Variants in TENM4 observed in about 807,000 individuals in gnomAD.
TENM4 encodes the protein teneurin-4.
TENM4 carries 82 observed loss-of-function variants against 243.3 expected under a neutral mutation model. That is an observed-to-expected ratio of 0.34 (90% CI 0.28 to 0.40). TENM4 has a LOEUF of 0.40. Ranked by LOEUF, TENM4 falls within the 10% of genes least tolerant of loss-of-function variation. The pLI, the probability that TENM4 is intolerant of heterozygous loss-of-function variation, is 1.00. For missense variants in TENM4, 3,138 were observed against 3,673.3 expected, an observed-to-expected ratio of 0.85 and a Z score of 3.77; for synonymous variants, 1,412 against 1,456.3, an observed-to-expected ratio of 0.97 and a Z score of 0.69.
At chr11:79,099,272 G>C (rs983505980) in intron 4 of TENM4, among the ~76,000 whole-genome samples, 1 of 152,062 alleles carries the variant, frequency 6.6e-6, no homozygotes, top group African/African-American at 2.4e-5. Context: ...TCTAGCCCCA[G>C]TGCCTTTGCT....
chr11:79,307,760 A>C (rs568082), intron 1 of TENM4, among the ~76,000 whole-genome samples: 84,882 of 152,060 alleles, frequency 0.56, 24,979 homozygotes, highest in East Asian at 0.77. Context: ...TCTGCAAAAG[A>C]ACAAGAATTG....
chr11:79,219,128 C>A (rs894321898), intron 2 of TENM4, among the ~76,000 whole-genome samples: 2 of 152,204 alleles, frequency 1.3e-5, no homozygotes, highest in Admixed American at 1.3e-4. Flanking sequence ...TGCCTTGCAG[C>A]AGACTTTGTA....
intron 17 of TENM4, 116 bp downstream of exon 17, chr11:78,778,486 C>A: frequency 8.6e-7 from 1 of 1,168,500 alleles, no homozygotes; most frequent in Non-Finnish European, 1.2e-6. Flanking sequence ...GCATTAGCTT[C>A]CAGACATCAT....
chr11:79,090,414 C>A (rs947095117), intron 4 of TENM4, among the ~76,000 whole-genome samples: 2 of 152,226 alleles, frequency 1.3e-5, no homozygotes, highest in African/African-American at 4.8e-5. Context: ...CATGCAGACA[C>A]CCGTGCAGAA....
intron 29 of TENM4, among the ~76,000 whole-genome samples, chr11:78,677,742 T>G (rs1858517484): frequency 1.3e-5 from 2 of 152,122 alleles, no homozygotes; most frequent in East Asian, 1.9e-4. Flanking sequence ...TTTGAAATTT[T>G]AAATTTGATT....
At chr11:78,912,693 C>A (rs1856218018) in intron 6 of TENM4, among the ~76,000 whole-genome samples, 1 of 152,192 alleles carries the variant, frequency 6.6e-6, no homozygotes, top group Admixed American at 6.5e-5. Context: ...CCCTACTGCC[C>A]TTTAACTAGA....
Position 78,669,073 on chromosome 11 carries a change from C to T in TENM4, c.7272G>A (p.Leu2424=), listed in dbSNP as rs1274110016. Residue 2424 remains leucine, a synonymous_variant, in exon 32 of 34, where the codon CTG becomes CTA. Transcript: ENST00000278550. The surrounding 1 kb of genome is among the most constrained non-coding windows in gnomAD (Gnocchi z 6.4). ...GGTCTGGGCTAGTCCAGCGTCCGGC[C>T]AGCACATCATAATCTCGCCGGCCCA... The part of the protein sequence containing the change: ...VHMGRRDYDV[L]AGRWTSPDHE... The T allele has an allele frequency of 1.2e-6, 2 of 1,613,922 alleles. No homozygotes were observed. The highest frequency in any genetic ancestry group is 3.3e-5 in the Admixed American group (2 of 60,018).
At chr11:79,164,235 CAGTATATAT>C (rs1225210387) in intron 3 of TENM4, among the ~76,000 whole-genome samples, 2 of 56,780 alleles carry the variant, frequency 3.5e-5, no homozygotes, top group Admixed American at 1.9e-4. Context: ...ATACTATATA[CAGTATATAT>C]AGTATATATA....
At chr11:78,975,366 A>G (rs1857630834) in intron 6 of TENM4, among the ~76,000 whole-genome samples, 2 of 152,016 alleles carry the variant, frequency 1.3e-5, no homozygotes, top group Non-Finnish European at 2.9e-5. Flanking sequence ...GGGATGTGGG[A>G]GAGAGGAAAC....
chr11:79,046,100 T>C (rs966209290), intron 6 of TENM4, among the ~76,000 whole-genome samples: 6 of 152,220 alleles, frequency 3.9e-5, no homozygotes, highest in Non-Finnish European at 8.8e-5. Context: ...GGTACACACA[T>C]GGTCTCAGGC....
chr11:79,356,284 C>G (rs1857495468), intron 1 of TENM4, among the ~76,000 whole-genome samples: 2 of 152,216 alleles, frequency 1.3e-5, no homozygotes, highest in African/African-American at 4.8e-5. Context: ...GTTGGGTAGC[C>G]TTAGGCAAGT....
chr11:79,369,787 A>C (rs1486684405), intron 1 of TENM4, among the ~76,000 whole-genome samples: 1 of 152,196 alleles, frequency 6.6e-6, no homozygotes, highest in Non-Finnish European at 1.5e-5. Context: ...TGACTGGGTC[A>C]AATTCCCCCA....
At chr11:78,758,634 C>T (rs1856365328) in intron 18 of TENM4, among the ~76,000 whole-genome samples, 1 of 152,206 alleles carries the variant, frequency 6.6e-6, no homozygotes, top group Admixed American at 6.5e-5. Context: ...CTTGGTGTCC[C>T]CGATCCTCCT....
intron 10 of TENM4, among the ~76,000 whole-genome samples, chr11:78,861,707 A>T (rs776199826): frequency 6.6e-5 from 10 of 152,208 alleles, no homozygotes; most frequent in Non-Finnish European, 1.5e-4. Flanking sequence ...AGTATATGCC[A>T]CCCTGTTAAA....
chr11:78,858,631 CT>C (rs1283086933), intron 10 of TENM4, among the ~76,000 whole-genome samples: 1 of 152,184 alleles, frequency 6.6e-6, no homozygotes, highest in African/African-American at 2.4e-5. Flanking sequence ...TGCTATAAGA[CT>C]TTTTGTCCTT....
chr11:78,707,514 C>T (rs960363321), intron 27 of TENM4, among the ~76,000 whole-genome samples: 12 of 152,378 alleles, frequency 7.9e-5, no homozygotes, highest in Admixed American at 5.9e-4. Context: ...CTGCGGCCAC[C>T]TGCTTCCAAG....
chr11:79,081,702 TG>T (rs1390769181), intron 4 of TENM4, among the ~76,000 whole-genome samples: 7 of 152,194 alleles, frequency 4.6e-5, no homozygotes, highest in Non-Finnish European at 2.9e-5. Flanking sequence ...TGCTGCCCAA[TG>T]GATGTGGGCT....
intron 3 of TENM4, among the ~76,000 whole-genome samples, chr11:79,187,536 C>T (rs1001966031): frequency 6.6e-6 from 1 of 152,186 alleles, no homozygotes; most frequent in East Asian, 1.9e-4. Flanking sequence ...CCTCCCATGA[C>T]TGCCTCCCTA....
At chr11:78,810,663 T>A (rs746176886) in intron 14 of TENM4, among the ~76,000 whole-genome samples, 1 of 152,230 alleles carries the variant, frequency 6.6e-6, no homozygotes, top group Non-Finnish European at 1.5e-5. Context: ...CCAGCCACGC[T>A]TGGGGTTTAT....
Sources: gnomAD v4.1 joint callset for allele counts (sites outside exome capture counted in the v4.1 genomes callset) on GRCh38, gnomAD v4.1.1 for gene constraint, Gnocchi (gnomAD v3.1) non-coding constraint, MANE v1.5 for transcripts, NCBI Gene and HGNC (gene_info 2026-07-23, HGNC 2026-07-21) for gene names.